PCDHA1: variants seen among roughly 807,000 people sequenced by gnomAD.
PCDHA1 encodes the protein protocadherin alpha 1.
A neutral mutation model predicts 61.3 loss-of-function variants in PCDHA1; 42 were observed. The ratio of observed to expected loss-of-function variants is 0.69; its 90% CI spans 0.54 to 0.89. The LOEUF (loss-of-function observed/expected upper bound fraction) is 0.89, where lower values mean the gene tolerates loss of function less well. PCDHA1 is among the 40% of genes least tolerant of loss of function. The probability of loss-of-function intolerance (pLI) is 0.00; values close to 1 mark genes in which losing one functional copy is unlikely to be tolerated. For synonymous variants in PCDHA1, 610 were observed against 553.8 expected (o/e 1.10, Z -1.43); for missense variants, 1,256 against 1,235.3 (o/e 1.02, Z -0.25).
intron 1 of PCDHA1, chr5:140,870,230 G>A (rs782759965): frequency 9.3e-6 from 15 of 1,614,032 alleles, no homozygotes; most frequent in Non-Finnish European, 1.3e-5. Flanking sequence ...GTGTCTGACC[G>A]TGACTCAGGT....
intron 1 of PCDHA1, among the ~76,000 whole-genome samples, chr5:140,892,332 T>A (rs552266223): frequency 6.6e-6 from 1 of 152,274 alleles, no homozygotes; most frequent in African/African-American, 2.4e-5. Context: ...TTCTCCAGAA[T>A]GGATTTTAAT....
At position 140,824,092 on chromosome 5, in the gene PCDHA1, C is replaced by G. The variant is rs2150132114; in HGVS notation, c.2394+35408C>G. 4 of 1,614,146 alleles carry G rather than the reference C, an allele frequency of 2.5e-6. No individual in the cohort carries two copies. In the South Asian group the frequency reaches 4.4e-5, roughly 18 times the overall value. On this transcript the variant is annotated intron_variant, in intron 1 of 3. Transcript: ENST00000504120. ...CAAAACAGACCTCATGGCCTTCAGT[C>G]CAAGCCTTCCTCAGGGTCCCACCTC...
At chr5:140,888,222 G>T (rs956304839) in intron 1 of PCDHA1, among the ~76,000 whole-genome samples, 1 of 152,168 alleles carries the variant, frequency 6.6e-6, no homozygotes, top group African/African-American at 2.4e-5. Flanking sequence ...GTGTGTGTGT[G>T]CATGTGTGTG....
At chr5:140,969,930 C>T (rs1200018667) in intron 1 of PCDHA1, among the ~76,000 whole-genome samples, 1 of 152,178 alleles carries the variant, frequency 6.6e-6, no homozygotes, top group Non-Finnish European at 1.5e-5. Flanking sequence ...AGTATTTAGA[C>T]ATCATACTGA....
intron 1 of PCDHA1, chr5:140,857,623 G>T (rs1554150390): frequency 2.5e-6 from 4 of 1,596,656 alleles, no homozygotes; most frequent in Non-Finnish European, 8.6e-7. Flanking sequence ...TGGACCACGA[G>T]GAGCTGGAGC....
Position 140,823,308 on chromosome 5 carries a change from G to A in PCDHA1, c.2394+34624G>A, listed in dbSNP as rs2150124552. Reference sequence around the variant, plus strand: ...TGTCGAGTTACGTTTCGGTGCACGCGGAGAGCGGCAAGGTGTACGCGCTGC... The same window carrying A: ...TGTCGAGTTACGTTTCGGTGCACGCAGAGAGCGGCAAGGTGTACGCGCTGC... On this transcript the variant is annotated intron_variant, in intron 1 of 3. Transcript: ENST00000504120. The A allele has an allele frequency of 5.6e-6, 9 of 1,612,200 alleles. No homozygotes were observed. In the Admixed American group the frequency reaches 6.7e-5, roughly 12 times the overall value.
At chr5:140,802,768 A>G in intron 1 of PCDHA1, 1 of 1,612,944 alleles carries the variant, frequency 6.2e-7, no homozygotes, top group East Asian at 2.2e-5. Flanking sequence ...CAGCCGCTGG[A>G]CCACGAGGAG....
At position 140,822,235 on chromosome 5, in the gene PCDHA1, G is replaced by A. The variant is rs1554128532; in HGVS notation, c.2394+33551G>A. 2.5e-6 allele frequency: 4 copies of A among 1,614,250 alleles called. No individual in the cohort carries two copies. The highest frequency in any genetic ancestry group is 3.4e-6 in the Non-Finnish European group (4 of 1,180,040). On this transcript the variant is annotated intron_variant, in intron 1 of 3. Transcript: ENST00000504120. ...AATGCCAGATTCGCGGTTTCCGCTAGAGGGCGCGTCGGATTTGGATATTGG... is the reference window on the plus strand; with the variant it reads ...AATGCCAGATTCGCGGTTTCCGCTAAAGGGCGCGTCGGATTTGGATATTGG...
chr5:140,933,833 A>G (rs944428844), intron 1 of PCDHA1, among the ~76,000 whole-genome samples: 1 of 151,928 alleles, frequency 6.6e-6, no homozygotes, highest in East Asian at 1.9e-4. Flanking sequence ...TATTGCTCCT[A>G]TTTCATTCCT....
chr5:140,884,515 G>GCCTCTGATAAGCACAA, intron 1 of PCDHA1: 1 of 1,614,174 alleles, frequency 6.2e-7, no homozygotes. Flanking sequence ...GGAGTTGGTC[G>GCCTCTGATAAGCACAA]TACTCGCAGC....
chr5:140,799,162 A>G (rs2149936081), intron 1 of PCDHA1, among the ~76,000 whole-genome samples: 1 of 152,266 alleles, frequency 6.6e-6, no homozygotes, highest in East Asian at 1.9e-4. Flanking sequence ...GTGGTAGTAG[A>G]AATTATTCAC....
intron 3 of PCDHA1, among the ~76,000 whole-genome samples, chr5:140,987,825 G>A (rs1181525478): frequency 1.3e-5 from 2 of 151,894 alleles, no homozygotes; most frequent in Admixed American, 1.3e-4. Flanking sequence ...GTTTCCTTAG[G>A]GGATTGCTTT....
intron 1 of PCDHA1, chr5:140,883,514 G>C (rs2059648914): frequency 1.2e-6 from 2 of 1,614,220 alleles, no homozygotes; most frequent in Non-Finnish European, 1.7e-6. Context: ...CCTGGACCGC[G>C]AGAGCGTATC....
At chr5:140,999,837 A>T (rs2097878885) in intron 3 of PCDHA1, among the ~76,000 whole-genome samples, 1 of 152,206 alleles carries the variant, frequency 6.6e-6, no homozygotes, top group Non-Finnish European at 1.5e-5. Context: ...AAATATGCCA[A>T]GTGTATTTAT....
intron 1 of PCDHA1, chr5:140,855,837 C>A (rs2043640312): frequency 3.3e-6 from 2 of 610,842 alleles, no homozygotes; most frequent in Non-Finnish European, 5.6e-6. Flanking sequence ...ATCGTACTTA[C>A]ACCTAAAGCC....
intron 1 of PCDHA1, among the ~76,000 whole-genome samples, chr5:140,923,629 G>A (rs1350871926): frequency 6.6e-6 from 1 of 152,138 alleles, no homozygotes; most frequent in Non-Finnish European, 1.5e-5. Flanking sequence ...TTATCCAAAA[G>A]GCAAAAATCT....
Position 140,787,797 on chromosome 5 carries a change from G to T in PCDHA1, c.1507G>T (p.Ala503Ser). Residue 503 changes from alanine to serine, a missense_variant, in exon 1 of 4, where the codon GCG (alanine) becomes TCG (serine). By Grantham distance (99) the Ala-to-Ser change is moderately conservative (BLOSUM62 1). Coordinates refer to ENST00000504120, the MANE Select transcript of PCDHA1 (RefSeq NM_018900.4). ...SLVERRVGER[A>S]LSNYVSVHAE... ...GGTGGAACGGCGGGTGGGCGAGCGC[G>T]CGCTGTCGAACTACGTGTCAGTGCA... The T allele has an allele frequency of 6.2e-7, 1 of 1,612,414 alleles. No homozygotes were observed. Among genetic ancestry groups the T allele is most frequent in the Non-Finnish European group, 8.5e-7 (1 of 1,179,770 alleles).
At chr5:140,801,335 C>A (rs782420366) in intron 1 of PCDHA1, 1 of 1,613,244 alleles carries the variant, frequency 6.2e-7, no homozygotes, top group East Asian at 2.2e-5. Context: ...CCTTCGTGGG[C>A]CGCATCGCGC....
chr5:140,928,276 G>A (rs2153595075), intron 1 of PCDHA1: 2 of 1,614,172 alleles, frequency 1.2e-6, no homozygotes, highest in South Asian at 1.1e-5. Context: ...TGGCCCTGGG[G>A]CCTCTCTAGG....
Sources: gnomAD v4.1 joint callset for allele counts (sites outside exome capture counted in the v4.1 genomes callset) on GRCh38, gnomAD v4.1.1 for gene constraint, MANE v1.5 for transcripts, NCBI Gene and HGNC (gene_info 2026-07-23, HGNC 2026-07-21) for gene names.